Variants in CFAP299 observed in about 807,000 individuals in gnomAD.
CFAP299 encodes the protein cilia and flagella associated protein 299, also known as cilia- and flagella-associated protein 299.
Under a neutral mutation model 27.0 loss-of-function variants are expected in CFAP299, and 21 were observed. That is an observed-to-expected ratio of 0.78 (90% confidence interval 0.55 to 1.12). The LOEUF (loss-of-function observed/expected upper bound fraction) is 1.12, where lower values mean the gene tolerates loss of function less well. Ranked by LOEUF, CFAP299 falls within the 50% of genes most tolerant of loss-of-function variation. CFAP299 has a pLI of 0.00. For missense variants in CFAP299, 310 were observed against 276.6 expected (o/e 1.12, Z -0.86); for synonymous variants, 104 against 98.1 (o/e 1.06, Z -0.36).
intron 3 of CFAP299, among the ~76,000 whole-genome samples, chr4:80,709,789 G>T (rs1722032836): frequency 6.6e-6 from 1 of 152,156 alleles, no homozygotes; most frequent in African/African-American, 2.4e-5. Context: ...CATTGTGGGA[G>T]CACAAAGCAT....
chr4:80,335,589 C>G, upstream of CFAP299: 2 of 610,172 alleles, frequency 3.3e-6, no homozygotes, highest in Admixed American at 2.7e-5. Flanking sequence ...GTGGGTAATT[C>G]CAGAAAGTTT....
At chr4:80,726,856 T>G (rs976863912) in intron 3 of CFAP299, among the ~76,000 whole-genome samples, 2 of 152,166 alleles carry the variant, frequency 1.3e-5, no homozygotes, top group Non-Finnish European at 2.9e-5. Flanking sequence ...TGAGATATTA[T>G]ATAATCAGTT....
intron 3 of CFAP299, among the ~76,000 whole-genome samples, chr4:80,713,478 G>A (rs1722294112): frequency 6.6e-6 from 1 of 152,180 alleles, no homozygotes; most frequent in Non-Finnish European, 1.5e-5. Context: ...AATGTGGGAG[G>A]CTATTAGAAG....
In CFAP299 at chr4:80,358,742, A is replaced by G. The variant is rs574949723; in HGVS notation, c.112-4012A>G. Among the ~76,000 whole-genome samples, 23 of 152,162 alleles carry G rather than the reference A, an allele frequency of 1.5e-4. No homozygotes were observed. The South Asian group carries it at 4.4e-3, about 29-fold the overall frequency. ...AATTGCTTGTGAGATTGATCTCTTG[A>G]AGACAGCAATGAGTTTTTGTTCTTT... is the stretch of plus-strand genomic sequence containing the variant. On this transcript the variant is annotated intron_variant, in intron 1 of 5. Transcript: ENST00000358105.
intron 4 of CFAP299, among the ~76,000 whole-genome samples, chr4:80,877,925 G>A (rs1229135950): frequency 3.3e-5 from 5 of 151,924 alleles, no homozygotes; most frequent in African/African-American, 1.2e-4. Flanking sequence ...GTCTATGTTT[G>A]TACTATTTGA....
chr4:80,583,004 T>C (rs1314210388), intron 2 of CFAP299, 89 bp from the exon 3 acceptor site: 1 of 691,132 alleles, frequency 1.4e-6, no homozygotes, highest in Non-Finnish European at 2.4e-6. Flanking sequence ...AAGGAAATTG[T>C]CACTTAAAGA....
intron 2 of CFAP299, among the ~76,000 whole-genome samples, chr4:80,570,278 A>T (rs1244622035): frequency 6.6e-6 from 1 of 152,032 alleles, no homozygotes; most frequent in Non-Finnish European, 1.5e-5. Context: ...AATAATTTTG[A>T]TATATTGGTA....
chr4:80,624,564 T>G (rs1025417025), intron 3 of CFAP299, among the ~76,000 whole-genome samples: 1 of 151,976 alleles, frequency 6.6e-6, no homozygotes, highest in Admixed American at 6.6e-5. Context: ...GTAAGAAACC[T>G]TTTTAGAGAA....
intron 2 of CFAP299, among the ~76,000 whole-genome samples, chr4:80,540,446 C>G (rs1004344921): frequency 6.6e-6 from 1 of 152,018 alleles, no homozygotes; most frequent in African/African-American, 2.4e-5. Context: ...ATTCATTACC[C>G]CAAACAAGGG....
At chr4:80,877,811 G>C (rs1733491385) in intron 4 of CFAP299, among the ~76,000 whole-genome samples, 1 of 151,922 alleles carries the variant, frequency 6.6e-6, no homozygotes, top group Admixed American at 6.6e-5. Flanking sequence ...TCAAAGAATA[G>C]TACAATGAAG....
intron 3 of CFAP299, chr4:80,649,129 G>A (rs1003866154): frequency 1.3e-5 from 2 of 152,192 alleles, no homozygotes; most frequent in Non-Finnish European, 2.9e-5. Flanking sequence ...CTAACAAAGG[G>A]CGATAGGAGG....
chr4:80,856,739 C>CTCTGT (rs1465272820), intron 3 of CFAP299, among the ~76,000 whole-genome samples: 1 of 151,942 alleles, frequency 6.6e-6, no homozygotes. Context: ...TTTCTGAGGG[C>CTCTGT]TCTGTTCTGT....
intron 3 of CFAP299, among the ~76,000 whole-genome samples, chr4:80,740,608 C>T (rs1239801165): frequency 2.0e-5 from 3 of 152,168 alleles, no homozygotes; most frequent in African/African-American, 7.2e-5. Flanking sequence ...AGACCCTGCA[C>T]TTCAGGGTAG....
At chr4:80,358,736 C>A (rs1560528637) in intron 1 of CFAP299, among the ~76,000 whole-genome samples, 1 of 152,082 alleles carries the variant, frequency 6.6e-6, no homozygotes, top group Non-Finnish European at 1.5e-5. Context: ...TGAGATTGAT[C>A]TCTTGAAGAC....
At chr4:80,959,541 A>G (rs1288085411) in intron 5 of CFAP299, among the ~76,000 whole-genome samples, 1 of 152,128 alleles carries the variant, frequency 6.6e-6, no homozygotes, top group Non-Finnish European at 1.5e-5. Context: ...CTCATAAAGC[A>G]TATAAAATTT....
intron 2 of CFAP299, among the ~76,000 whole-genome samples, chr4:80,526,855 C>T (rs1044253492): frequency 1.3e-5 from 2 of 152,104 alleles, no homozygotes; most frequent in African/African-American, 4.8e-5. Flanking sequence ...ATATCTATTT[C>T]TTGAACAAAT....
At chr4:80,505,502 A>G (rs1731980480) in intron 2 of CFAP299, among the ~76,000 whole-genome samples, 1 of 79,942 alleles carries the variant, frequency 1.3e-5, no homozygotes, top group Admixed American at 1.0e-4. Context: ...CTATTGTAGA[A>G]AATTATAGAT....
In CFAP299 at chr4:80,835,610, A is replaced by G. The variant is rs1278324618; in HGVS notation, c.334-34383A>G. On this transcript the variant is annotated intron_variant, in intron 3 of 5. Transcript: ENST00000358105. ...TCCTCTTATGTTGTAAAGTTTTTGT[A>G]CATATAATTATACAAAGAATCTGGA... Among the ~76,000 whole-genome samples, 4 of 152,268 alleles carry G rather than the reference A, an allele frequency of 2.6e-5. No homozygotes were observed. The East Asian group carries it at 5.8e-4, about 22-fold the overall frequency.
At chr4:80,520,475 C>T (rs1203483879) in intron 2 of CFAP299, among the ~76,000 whole-genome samples, 2 of 152,178 alleles carry the variant, frequency 1.3e-5, no homozygotes, top group African/African-American at 2.4e-5. Context: ...CCTTAAAGTA[C>T]TTCCCCTCAC....
Sources: allele counts gnomAD v4.1 joint callset (sites outside exome capture counted in the v4.1 genomes callset), GRCh38; gene constraint gnomAD v4.1.1; transcripts MANE v1.5; gene names NCBI Gene and HGNC (gene_info 2026-07-23, HGNC 2026-07-21).